The following IKZF2 variants were observed in gnomAD, a reference collection of about 807,000 sequenced individuals.
The protein encoded by IKZF2 is zinc finger protein Helios.
In IKZF2, 15 loss-of-function variants were observed where a neutral mutation model predicts 49.2. That is an observed-to-expected ratio of 0.30 (90% CI 0.20 to 0.47). The LOEUF is 0.47. Ranked by LOEUF, IKZF2 falls within the 20% of genes least tolerant of loss-of-function variation. The pLI is 1.00. For missense variants in IKZF2, 567 were observed against 664.6 expected, an observed-to-expected ratio of 0.85 and a Z score of 1.61; for synonymous variants, 227 against 221.4, an observed-to-expected ratio of 1.03 and a Z score of -0.23.
At chr2:213,010,776 T>C (rs1382556393) in intron 8 of IKZF2, among the ~76,000 whole-genome samples, 1 of 152,068 alleles carries the variant, frequency 6.6e-6, no homozygotes, top group Non-Finnish European at 1.5e-5. Flanking sequence ...TGCCAAGGTG[T>C]AGTGTAGAGC....
chr2:213,093,095 A>T (rs1705542744), intron 4 of IKZF2, among the ~76,000 whole-genome samples: 1 of 152,208 alleles, frequency 6.6e-6, no homozygotes, highest in Non-Finnish European at 1.5e-5. Context: ...AATACAGAAG[A>T]TAAGCACTTC....
At chr2:213,009,576 C>T (rs774412535) in intron 8 of IKZF2, among the ~76,000 whole-genome samples, 14 of 151,928 alleles carry the variant, frequency 9.2e-5, no homozygotes, top group African/African-American at 1.9e-4. Flanking sequence ...AAACACAAAA[C>T]GAGGAGAAAT....
intron 4 of IKZF2, among the ~76,000 whole-genome samples, chr2:213,078,231 A>G (rs892772520): frequency 3.3e-5 from 5 of 152,246 alleles, no homozygotes; most frequent in African/African-American, 1.2e-4. Flanking sequence ...GTAGACAGTA[A>G]TATTTTATCT....
chr2:213,016,222 AG>A (rs1696575480), intron 7 of IKZF2, among the ~76,000 whole-genome samples: 1 of 152,160 alleles, frequency 6.6e-6, no homozygotes, highest in Non-Finnish European at 1.5e-5. Context: ...TCCATGAAAT[AG>A]GTGTAATACC....
intron 6 of IKZF2, among the ~76,000 whole-genome samples, chr2:213,026,937 T>C (rs1172690184): frequency 6.6e-6 from 1 of 152,126 alleles, no homozygotes; most frequent in South Asian, 2.1e-4. Flanking sequence ...ATTACGTTAA[T>C]GATTATTTTT....
At chr2:213,009,595 G>T (rs1000489501) in intron 8 of IKZF2, among the ~76,000 whole-genome samples, 4 of 152,018 alleles carry the variant, frequency 2.6e-5, no homozygotes, top group African/African-American at 9.7e-5. Context: ...ATTATTTCAT[G>T]GCACTCAACT....
chr2:213,151,266 A>C (rs1017993662), intron 1 of IKZF2, 147 bp downstream of exon 1: 34 of 152,184 alleles, frequency 2.2e-4, no homozygotes, highest in African/African-American at 7.2e-4. Context: ...ATCACATCAC[A>C]GTGCAAAACG....
At chr2:213,009,328 C>A (rs1403676236) in intron 8 of IKZF2, among the ~76,000 whole-genome samples, 1 of 152,092 alleles carries the variant, frequency 6.6e-6, no homozygotes. Flanking sequence ...TGGTTTTGAA[C>A]AGAATATTTA....
intron 6 of IKZF2, among the ~76,000 whole-genome samples, chr2:213,048,285 T>C (rs1700361187): frequency 6.6e-6 from 1 of 152,116 alleles, no homozygotes; most frequent in South Asian, 2.1e-4. Context: ...TGAAGACAGA[T>C]AACATAATAT....
chr2:213,109,613 T>C (rs902672465), intron 4 of IKZF2, among the ~76,000 whole-genome samples: 4 of 152,034 alleles, frequency 2.6e-5, no homozygotes, highest in Admixed American at 6.6e-5. Flanking sequence ...AACAGATATT[T>C]AGTGTTCTCA....
rs187384416 is a variant in IKZF2, at chr2:213,072,449, T to C, written c.140-15350A>G. The stretch of plus-strand genomic sequence containing the variant: ...TATACAATAGTAAGGAATAATGCAG[T>C]AGACAGTCTACAATCTGCAGATTTT... On this transcript the variant is annotated intron_variant, in intron 4 of 8. Transcript: ENST00000434687. 3.3e-5 allele frequency among the ~76,000 whole-genome samples: 5 copies of C among 152,228 alleles called. No homozygotes were observed. In the East Asian group the frequency reaches 9.6e-4, roughly 29 times the overall value.
chr2:213,055,362 T>A (rs1385817335), intron 5 of IKZF2, among the ~76,000 whole-genome samples: 1 of 151,662 alleles, frequency 6.6e-6, no homozygotes, highest in East Asian at 1.9e-4. Flanking sequence ...CCAAGCTTGA[T>A]CTTTCAACCT....
intron 1 of IKZF2, 78 bp downstream of exon 1, chr2:213,151,335 A>G (rs532271486): frequency 6.6e-6 from 1 of 152,260 alleles, no homozygotes; most frequent in Non-Finnish European, 1.5e-5. Context: ...AATCATACAC[A>G]TATTTATATA....
intron 4 of IKZF2, among the ~76,000 whole-genome samples, chr2:213,067,836 GCCCCACA>G (rs1245711004): frequency 3.9e-5 from 6 of 152,016 alleles, no homozygotes; most frequent in Non-Finnish European, 1.5e-5. Context: ...GGATTCATAA[GCCCCACA>G]CCACCATGCC....
In IKZF2 at chr2:213,007,917, T is replaced by A; in HGVS notation, c.1024A>T (p.Ser342Cys). The A allele has an allele frequency of 6.2e-7, 1 of 1,613,592 alleles. No individual in the cohort carries two copies. Among genetic ancestry groups the A allele is most frequent in the Non-Finnish European group, 8.5e-7 (1 of 1,179,740 alleles). The change falls in exon 9 of 9, where the codon AGC becomes TGC. Residue 342 changes from serine (S) to cysteine (C), a missense_variant. Physicochemically the swap from Ser to Cys is moderately radical, Grantham distance 112. Around this residue, in one of 5 missense-constraint regions of IKZF2, gnomAD observed 310 missense variants for 326.9 expected, o/e 0.95. Transcript: ENST00000434687. ...ALHPLMQHPP[S>C]TIAEVAPVIS... is the part of the protein sequence containing the mutation. ...ACTGGGGCCACTTCAGCGATTGTGCTTGGCGGGTGCTGCATCAGAGGGTGA... is the reference window on the plus strand; with the variant it reads ...ACTGGGGCCACTTCAGCGATTGTGCATGGCGGGTGCTGCATCAGAGGGTGA...
At chr2:213,088,068 G>C (rs557251715) in intron 4 of IKZF2, among the ~76,000 whole-genome samples, 1 of 152,292 alleles carries the variant, frequency 6.6e-6, no homozygotes, top group African/African-American at 2.4e-5. Flanking sequence ...CTAGATCCCT[G>C]AGGAATTGCC....
At chr2:213,124,252 G>GCGCGCGCGCGCGCACA (rs1270409984) in intron 4 of IKZF2, among the ~76,000 whole-genome samples, 6 of 136,236 alleles carry the variant, frequency 4.4e-5, no homozygotes, top group East Asian at 5.3e-4. Flanking sequence ...GCGCGCGCGC[G>GCGCGCGCGCGCGCACA]CACACACACA....
intron 4 of IKZF2, among the ~76,000 whole-genome samples, chr2:213,068,899 C>T (rs1486641386): frequency 4.0e-5 from 5 of 125,574 alleles, no homozygotes; most frequent in Non-Finnish European, 8.3e-5. Flanking sequence ...TGGCTAGTAT[C>T]CAGGAGGGAG....
At chr2:213,118,871 A>G (rs2059960109) in intron 4 of IKZF2, among the ~76,000 whole-genome samples, 1 of 152,210 alleles carries the variant, frequency 6.6e-6, no homozygotes, top group Admixed American at 6.5e-5. Flanking sequence ...ATAATCTGGT[A>G]CCTGAAATCT....
Sources: gnomAD v4.1 joint callset for allele counts (sites outside exome capture counted in the v4.1 genomes callset) on GRCh38, gnomAD v4.1.1 for gene constraint, gnomAD v4.1.1 regional missense constraint, MANE v1.5 for transcripts, NCBI Gene and HGNC (gene_info 2026-07-23, HGNC 2026-07-21) for gene names.